Variants in PARP15 observed in about 807,000 individuals in gnomAD.
PARP15 encodes the protein protein mono-ADP-ribosyltransferase PARP15.
In PARP15, 50 loss-of-function variants were observed where a neutral mutation model predicts 62.1. The ratio of observed to expected loss-of-function variants is 0.81; its 90% CI spans 0.64 to 1.02. PARP15 has a LOEUF of 1.02. PARP15 is among the 50% of genes least tolerant of loss of function. The pLI, the probability that PARP15 is intolerant of heterozygous loss-of-function variation, is 0.00. For synonymous variants in PARP15, 309 were observed against 293.1 expected (o/e 1.05, Z -0.55); for missense variants, 820 against 826.5 (o/e 0.99, Z 0.10).
chr3:122,619,856 G>C lies in PARP15; in HGVS notation c.1063+13G>C. On this transcript the variant is annotated intron_variant, in intron 7 of 11. Coordinates refer to ENST00000464300, the MANE Select transcript of PARP15 (RefSeq NM_001113523.3). ...TGTGCTGTACTAGGTATGGGCACAT[G>C]TTACTTTTGACTACAAACTTGAAAA... 1.2e-6 allele frequency: 2 copies of C among 1,607,666 alleles called. No homozygotes were observed. Among genetic ancestry groups the C allele is most frequent in the Non-Finnish European group, 8.5e-7 (1 of 1,174,130 alleles).
At position 122,637,931 on chromosome 3, in the gene PARP15, A is replaced by T. The variant is rs1277094089; in HGVS notation, c.*1831A>T. On this transcript the variant is annotated 3_prime_UTR_variant, in exon 12 of 12. Coordinates refer to ENST00000464300, the MANE Select transcript of PARP15 (RefSeq NM_001113523.3). ...ATCATTTAGCATTAGGTATATCTCCAAATGCTATCCCTCTCCCCTCTCCCC... is the reference window on the plus strand; with the variant it reads ...ATCATTTAGCATTAGGTATATCTCCTAATGCTATCCCTCTCCCCTCTCCCC... 1.3e-5 allele frequency: 2 copies of T among 151,990 alleles called. No individual in the cohort carries two copies. The highest frequency in any genetic ancestry group is 2.1e-4 in the South Asian group (1 of 4,828). The allele number at this position is 151,990 out of a possible 1,614,324, so 9.4% of individuals were successfully genotyped here.
At chr3:122,595,235 C>T (rs982282380) in intron 1 of PARP15, among the ~76,000 whole-genome samples, 3 of 152,084 alleles carry the variant, frequency 2.0e-5, no homozygotes, top group African/African-American at 7.2e-5. Flanking sequence ...GCTACTACTT[C>T]ATTTCTTTGC....
intron 1 of PARP15, among the ~76,000 whole-genome samples, chr3:122,604,802 A>G (rs1472076942): frequency 6.6e-6 from 1 of 152,176 alleles, no homozygotes; most frequent in Non-Finnish European, 1.5e-5. Flanking sequence ...CAGAGGTTGC[A>G]GTGAGCCAAA....
At chr3:122,600,748 C>T (rs1188994565) in intron 1 of PARP15, among the ~76,000 whole-genome samples, 1 of 151,088 alleles carries the variant, frequency 6.6e-6, no homozygotes, top group African/African-American at 2.4e-5. Flanking sequence ...TGCCCATTCT[C>T]GTTAGTATGT....
chr3:122,629,245 C>T (rs761818736), intron 9 of PARP15, among the ~76,000 whole-genome samples: 7 of 152,130 alleles, frequency 4.6e-5, no homozygotes, highest in East Asian at 1.9e-4. Flanking sequence ...TCACTGCAAC[C>T]GCTGCCTCCC....
chr3:122,617,477 T>A (rs1328545817), intron 6 of PARP15, among the ~76,000 whole-genome samples: 2 of 152,214 alleles, frequency 1.3e-5, no homozygotes, highest in Non-Finnish European at 2.9e-5. Context: ...AGCTCTCAAC[T>A]GTTGAATTTC....
At chr3:122,598,550 T>C (rs1934534417) in intron 1 of PARP15, among the ~76,000 whole-genome samples, 1 of 151,924 alleles carries the variant, frequency 6.6e-6, no homozygotes. Context: ...GAGTTATCTG[T>C]GGGAGGAAGA....
chr3:122,610,406 C>A, intron 2 of PARP15, 88 bp from the exon 3 acceptor site: 1 of 1,203,232 alleles, frequency 8.3e-7, no homozygotes, highest in South Asian at 1.5e-5. Context: ...CATATCTGTA[C>A]ATTACCCCAC....
Position 122,635,823 on chromosome 3 carries a change from GA to G in PARP15, c.1764del (p.Gly589GlufsTer44), listed in dbSNP as rs747487414. 2 of 1,613,200 alleles carry G rather than the reference GA, an allele frequency of 1.2e-6. No homozygotes were observed. The highest frequency in any genetic ancestry group is 2.2e-5 in the South Asian group (2 of 91,048). ...SCAGKNAVSY[G>X]KGTYFAVDAS... ...TTTCTCTTTCCAGCTGTATCCTATGGAAAAGGAACCTATTTTGCTGTGGATG... is the reference window on the plus strand; with the variant it reads ...TTTCTCTTTCCAGCTGTATCCTATGGAAAGGAACCTATTTTGCTGTGGATG... On this transcript the variant is annotated frameshift_variant, in exon 12 of 12. Transcript: ENST00000464300. LOFTEE classifies it low-confidence loss of function (END_TRUNC).
Position 122,585,603 on chromosome 3 carries a change from G to C in PARP15, c.186+7750G>C, listed in dbSNP as rs141631032. On this transcript the variant is annotated intron_variant, in intron 1 of 11. Transcript: ENST00000464300. ...GTTGCACACTTGGGTGTTCAGCTAC[G>C]TGACCTTCAACCTGGGGGTCTATGG... Among the ~76,000 whole-genome samples the C allele has an allele frequency of 1.8e-4, 27 of 152,310 alleles. No homozygotes were observed. In the East Asian group the frequency reaches 5.2e-3, roughly 29 times the overall value.
At chr3:122,588,901 A>C (rs1439033791) in intron 1 of PARP15, among the ~76,000 whole-genome samples, 1 of 152,204 alleles carries the variant, frequency 6.6e-6, no homozygotes, top group African/African-American at 2.4e-5. Context: ...ATGTATAAGA[A>C]CTTCATTACT....
intron 1 of PARP15, among the ~76,000 whole-genome samples, chr3:122,602,321 T>G (rs970780889): frequency 6.6e-6 from 1 of 152,232 alleles, no homozygotes; most frequent in Admixed American, 6.5e-5. Context: ...AATAACTGAC[T>G]GGTATGGAGG....
intron 10 of PARP15, among the ~76,000 whole-genome samples, chr3:122,634,537 G>A (rs938758332): frequency 6.6e-6 from 1 of 152,182 alleles, no homozygotes; most frequent in Non-Finnish European, 1.5e-5. Context: ...GAAAAAAATA[G>A]TCATAAGATT....
intron 10 of PARP15, among the ~76,000 whole-genome samples, chr3:122,633,668 T>C (rs1452539840): frequency 6.6e-6 from 1 of 152,114 alleles, no homozygotes; most frequent in Non-Finnish European, 1.5e-5. Flanking sequence ...GTGTAGATTA[T>C]ATATTAATAC....
intron 8 of PARP15, among the ~76,000 whole-genome samples, chr3:122,624,161 AAAG>A (rs1193831716): frequency 2.6e-5 from 4 of 151,958 alleles, no homozygotes; most frequent in Admixed American, 6.6e-5. Flanking sequence ...GGAAAAAAAA[AAAG>A]AAAGAAAGAA....
At chr3:122,592,718 A>G (rs1934022489) in intron 1 of PARP15, among the ~76,000 whole-genome samples, 1 of 152,198 alleles carries the variant, frequency 6.6e-6, no homozygotes, top group African/African-American at 2.4e-5. Context: ...AACTCTTTTA[A>G]TCTTCTTACA....
chr3:122,592,055 A>G (rs993034298), intron 1 of PARP15, among the ~76,000 whole-genome samples: 2 of 152,228 alleles, frequency 1.3e-5, no homozygotes, highest in African/African-American at 4.8e-5. Context: ...ATCTAGAACC[A>G]GAAATACCAT....
At position 122,616,551 on chromosome 3, in the gene PARP15, C is replaced by T. The variant is rs551198239; in HGVS notation, c.851-464C>T. 8.5e-5 allele frequency among the ~76,000 whole-genome samples: 13 copies of T among 152,086 alleles called. No individual in the cohort carries two copies. In the South Asian group the frequency reaches 1.3e-3, roughly 15 times the overall value. On this transcript the variant is annotated intron_variant, in intron 5 of 11. Coordinates refer to ENST00000464300, the MANE Select transcript of PARP15 (RefSeq NM_001113523.3). ...TTCACCATGTTGACCAAGCTGGTCT[C>T]GAACTCCTAACCTCAAGTGATCCTC...
At chr3:122,622,605 G>A (rs564022963) in intron 8 of PARP15, among the ~76,000 whole-genome samples, 38 of 152,248 alleles carry the variant, frequency 2.5e-4, no homozygotes, top group South Asian at 1.2e-3. Context: ...TTGAAATGCC[G>A]TTACCTAGGC....
Sources: allele counts gnomAD v4.1 joint callset (sites outside exome capture counted in the v4.1 genomes callset), GRCh38; gene constraint gnomAD v4.1.1; transcripts MANE v1.5; gene names NCBI Gene and HGNC (gene_info 2026-07-23, HGNC 2026-07-21).